CSMD1: variants seen among roughly 807,000 people sequenced by gnomAD.
The protein encoded by CSMD1 is CUB and Sushi multiple domains 1, also known as CUB and sushi domain-containing protein 1.
Under a neutral mutation model 417.5 loss-of-function variants are expected in CSMD1, and 213 were observed. The observed-to-expected ratio is 0.51, with a 90% CI of 0.46 to 0.57. The LOEUF (loss-of-function observed/expected upper bound fraction) is 0.57. Among genes scored for constraint, CSMD1 ranks in the 20% least tolerant of loss-of-function variants. The pLI is 0.00. For synonymous variants in CSMD1, 2,862 were observed against 1,736.8 expected, an observed-to-expected ratio of 1.65 and a Z score of -16.11; for missense variants, 6,923 against 4,529.7, an observed-to-expected ratio of 1.53 and a Z score of -15.17.
chr8:4,463,251 C>A (rs1182648224), intron 2 of CSMD1, among the ~76,000 whole-genome samples: 2 of 152,102 alleles, frequency 1.3e-5, no homozygotes, highest in African/African-American at 4.8e-5. Context: ...CAGTTCATGT[C>A]CACTAAAATA....
At chr8:4,981,300 T>A (rs911867082) in intron 1 of CSMD1, among the ~76,000 whole-genome samples, 6 of 152,240 alleles carry the variant, frequency 3.9e-5, no homozygotes, top group Non-Finnish European at 7.3e-5. Flanking sequence ...GAGAGGGGGC[T>A]ACAGTGAAGA....
chr8:4,959,032 C>A (rs1478359370), intron 1 of CSMD1, among the ~76,000 whole-genome samples: 1 of 152,082 alleles, frequency 6.6e-6, no homozygotes, highest in Non-Finnish European at 1.5e-5. Flanking sequence ...GATTATCAAG[C>A]CATGCTATAT....
intron 3 of CSMD1, among the ~76,000 whole-genome samples, chr8:4,368,097 G>C (rs1360672593): frequency 6.6e-6 from 1 of 152,092 alleles, no homozygotes; most frequent in Non-Finnish European, 1.5e-5. Context: ...CTGTTCTCAA[G>C]GGGAGTGCTT....
intron 7 of CSMD1, among the ~76,000 whole-genome samples, chr8:3,667,776 T>C (rs1798777251): frequency 6.6e-6 from 1 of 152,148 alleles, no homozygotes; most frequent in South Asian, 2.1e-4. Flanking sequence ...GGAGCAAGTG[T>C]CTTGCGGAAA....
At chr8:4,299,117 A>C (rs183917296) in intron 3 of CSMD1, among the ~76,000 whole-genome samples, 62 of 152,320 alleles carry the variant, frequency 4.1e-4, no homozygotes, top group Non-Finnish European at 7.4e-5. Flanking sequence ...TAGAATACAG[A>C]AAACATTAAA....
intron 2 of CSMD1, among the ~76,000 whole-genome samples, chr8:4,477,967 T>C (rs1800892540): frequency 6.6e-6 from 1 of 152,198 alleles, no homozygotes; most frequent in South Asian, 2.1e-4. Context: ...ATGCATTCCA[T>C]CCATTTCTAT....
At chr8:4,899,838 C>T (rs1804750772) in intron 1 of CSMD1, among the ~76,000 whole-genome samples, 1 of 152,184 alleles carries the variant, frequency 6.6e-6, no homozygotes, top group African/African-American at 2.4e-5. Context: ...ATAAGCAGGT[C>T]TTGCAGATAG....
At chr8:4,812,645 A>G (rs929681836) in intron 1 of CSMD1, among the ~76,000 whole-genome samples, 6 of 152,240 alleles carry the variant, frequency 3.9e-5, no homozygotes, top group African/African-American at 1.4e-4. Context: ...TCATTTAAAC[A>G]AAGATTCTTA....
intron 3 of CSMD1, among the ~76,000 whole-genome samples, chr8:4,121,083 A>G (rs1301011858): frequency 6.6e-6 from 1 of 151,702 alleles, no homozygotes; most frequent in African/African-American, 2.4e-5. Context: ...TTGTCAAGGT[A>G]TTTTTATTTT....
chr8:4,381,531 G>C (rs1197268217), intron 3 of CSMD1, among the ~76,000 whole-genome samples: 1 of 152,104 alleles, frequency 6.6e-6, no homozygotes, highest in Non-Finnish European at 1.5e-5. Flanking sequence ...TATTGAGGTT[G>C]GTAGGGAGGA....
At chr8:4,448,919 G>A (rs150633957) in intron 2 of CSMD1, among the ~76,000 whole-genome samples, 12 of 152,208 alleles carry the variant, frequency 7.9e-5, no homozygotes, top group African/African-American at 2.9e-4. Context: ...CATCTATTAA[G>A]TTCAAAATTT....
At chr8:3,424,236 A>G (rs967735903) in intron 12 of CSMD1, among the ~76,000 whole-genome samples, 3 of 152,228 alleles carry the variant, frequency 2.0e-5, no homozygotes, top group Non-Finnish European at 4.4e-5. Context: ...ATAATGAAAT[A>G]CACCATGATT....
intron 7 of CSMD1, among the ~76,000 whole-genome samples, chr8:3,688,247 A>C (rs1001780188): frequency 1.3e-5 from 2 of 152,244 alleles, no homozygotes; most frequent in Non-Finnish European, 2.9e-5. Flanking sequence ...AATTTTATTC[A>C]AAATTACAAA....
intron 3 of CSMD1, among the ~76,000 whole-genome samples, chr8:4,349,602 G>C (rs1800969738): frequency 6.6e-6 from 1 of 152,064 alleles, no homozygotes; most frequent in Admixed American, 6.5e-5. Context: ...AATTGTCTTA[G>C]AAAGCTGTTA....
rs765900405 is a variant in CSMD1, at chr8:3,284,395, C to T, written c.3951-49G>A. On this transcript the variant is annotated intron_variant, in intron 25 of 69. Coordinates refer to ENST00000635120, the MANE Select transcript of CSMD1 (RefSeq NM_033225.6). ...CTACTTGCCGTGCATCGAGCATGTCCTGACCCCATAGCTGTAAAGTAAGCA... is the reference window on the plus strand; with the variant it reads ...CTACTTGCCGTGCATCGAGCATGTCTTGACCCCATAGCTGTAAAGTAAGCA... The T allele has an allele frequency of 2.8e-6, 4 of 1,418,148 alleles. No homozygotes were observed. In the East Asian group the frequency reaches 9.2e-5, roughly 32 times the overall value. 87.8% of individuals were successfully genotyped at this position (1,418,148 alleles called of 1,614,324 possible).
intron 2 of CSMD1, among the ~76,000 whole-genome samples, chr8:4,431,626 C>T (rs1359551504): frequency 2.0e-5 from 3 of 152,002 alleles, no homozygotes; most frequent in African/African-American, 4.8e-5. Context: ...AAACGAAAAA[C>T]AGACAAACAA....
At chr8:4,578,335 T>TTA in intron 2 of CSMD1, among the ~76,000 whole-genome samples, 1 of 126,048 alleles carries the variant, frequency 7.9e-6, no homozygotes, top group Admixed American at 7.6e-5. Flanking sequence ...CCGGCTCATT[T>TTA]TTTTTTTTTT....
intron 3 of CSMD1, among the ~76,000 whole-genome samples, chr8:4,397,546 T>G (rs1013736288): frequency 7.1e-6 from 1 of 141,832 alleles, no homozygotes; most frequent in African/African-American, 2.7e-5. Context: ...TTTTTTTTTT[T>G]TTTTTTGAGA....
chr8:3,811,426 C>A lies in CSMD1; in HGVS notation c.819-57384G>T, dbSNP rs76608934. On this transcript the variant is annotated intron_variant, in intron 5 of 69. Transcript: ENST00000635120. ...TGTAGTAAGGCATTTGCTTCATGTT[C>A]GACTTACTGGGAGTGGGCATGGATT... 9.6e-3 allele frequency among the ~76,000 whole-genome samples: 1,465 copies of A among 152,182 alleles called. 51 individuals are homozygous for A. In the East Asian group the frequency reaches 0.11, roughly 11 times the overall value.
Sources: gnomAD v4.1 joint callset for allele counts (sites outside exome capture counted in the v4.1 genomes callset) on GRCh38, gnomAD v4.1.1 for gene constraint, MANE v1.5 for transcripts, NCBI Gene and HGNC (gene_info 2026-07-23, HGNC 2026-07-21) for gene names.